CORO2A: variants seen among roughly 807,000 people sequenced by gnomAD.
CORO2A encodes the protein coronin-2A.
A neutral mutation model predicts 62.4 loss-of-function variants in CORO2A; 47 were observed. That is an observed-to-expected ratio of 0.75 (90% CI 0.60 to 0.96). The LOEUF (loss-of-function observed/expected upper bound fraction) is 0.96, where lower values mean the gene tolerates loss of function less well. Among genes scored for constraint, CORO2A ranks in the 40% least tolerant of loss-of-function variants. The probability of loss-of-function intolerance (pLI) is 0.00; values close to 1 mark genes in which losing one functional copy is unlikely to be tolerated. For missense variants in CORO2A, 610 were observed against 684.1 expected, an observed-to-expected ratio of 0.89 and a Z score of 1.21; for synonymous variants, 273 against 268.9, an observed-to-expected ratio of 1.02 and a Z score of -0.15.
At chr9:98,171,525 C>T (rs1241973862) in intron 1 of CORO2A, among the ~76,000 whole-genome samples, 1 of 152,214 alleles carries the variant, frequency 6.6e-6, no homozygotes, top group South Asian at 2.1e-4. Context: ...CCCATGTAAC[C>T]AGCAAGCTCA....
At chr9:98,156,779 G>A (rs917344227) in intron 2 of CORO2A, among the ~76,000 whole-genome samples, 5 of 152,110 alleles carry the variant, frequency 3.3e-5, no homozygotes, top group Admixed American at 2.0e-4. Context: ...TTTAATCTGT[G>A]GGGATCCTGT....
chr9:98,142,850 C>T (rs1176193238), intron 2 of CORO2A, among the ~76,000 whole-genome samples: 2 of 105,572 alleles, frequency 1.9e-5, no homozygotes, highest in Non-Finnish European at 4.5e-5. Context: ...CCCTGCCCTG[C>T]CCTGCGCTGC....
chr9:98,162,782 T>C (rs1247371272), intron 1 of CORO2A, among the ~76,000 whole-genome samples: 1 of 152,242 alleles, frequency 6.6e-6, no homozygotes, highest in East Asian at 1.9e-4. Context: ...CATGAGCGCA[T>C]GCGTGTATCC....
intron 1 of CORO2A, among the ~76,000 whole-genome samples, chr9:98,161,465 A>G (rs1029371068): frequency 3.9e-5 from 6 of 152,114 alleles, no homozygotes; most frequent in Admixed American, 6.5e-5. Flanking sequence ...GAGGCAGGAG[A>G]ATCACTTGAA....
At chr9:98,177,045 A>T (rs1261617164) in intron 1 of CORO2A, among the ~76,000 whole-genome samples, 2 of 152,204 alleles carry the variant, frequency 1.3e-5, no homozygotes, top group Non-Finnish European at 2.9e-5. Context: ...TAGGAAAGAA[A>T]GGCCTTATAA....
At chr9:98,182,286 CT>C (rs1382188441) in intron 1 of CORO2A, among the ~76,000 whole-genome samples, 5 of 152,180 alleles carry the variant, frequency 3.3e-5, no homozygotes, top group African/African-American at 9.7e-5. Context: ...ATGGGTCAGT[CT>C]GGGTGAGGCT....
intron 2 of CORO2A, among the ~76,000 whole-genome samples, chr9:98,148,530 AG>A (rs35088229): frequency 6.6e-6 from 1 of 151,828 alleles, no homozygotes; most frequent in African/African-American, 2.4e-5. Context: ...ACTTAAGCCC[AG>A]GGGTTCAAGA....
chr9:98,165,606 A>G (rs1827949037), intron 1 of CORO2A, among the ~76,000 whole-genome samples: 1 of 152,228 alleles, frequency 6.6e-6, no homozygotes, highest in Non-Finnish European at 1.5e-5. Context: ...TGTGACCTTG[A>G]GGGACTGCTA....
At chr9:98,178,215 T>G (rs1489072852) in intron 1 of CORO2A, among the ~76,000 whole-genome samples, 1 of 152,002 alleles carries the variant, frequency 6.6e-6, no homozygotes, top group African/African-American at 2.4e-5. Flanking sequence ...CCCGGCTAAT[T>G]ATTAAACTTT....
chr9:98,148,957 G>A (rs1237100157), intron 2 of CORO2A, among the ~76,000 whole-genome samples: 2 of 152,142 alleles, frequency 1.3e-5, no homozygotes, highest in Non-Finnish European at 2.9e-5. Context: ...GTATAGAAAT[G>A]GAGAGCAGGT....
chr9:98,158,859 AC>A (rs1385022311), intron 1 of CORO2A, among the ~76,000 whole-genome samples: 1 of 150,306 alleles, frequency 6.7e-6, no homozygotes, highest in Non-Finnish European at 1.5e-5. Context: ...ACACACACAC[AC>A]CATGTATATT....
intron 1 of CORO2A, among the ~76,000 whole-genome samples, chr9:98,166,431 T>C (rs969095823): frequency 6.6e-6 from 1 of 152,162 alleles, no homozygotes; most frequent in African/African-American, 2.4e-5. Flanking sequence ...AAAGGCAACA[T>C]ATGGAATGAG....
At chr9:98,189,079 C>T (rs938175080) in intron 1 of CORO2A, among the ~76,000 whole-genome samples, 1 of 152,164 alleles carries the variant, frequency 6.6e-6, no homozygotes, top group African/African-American at 2.4e-5. Flanking sequence ...AAGGAGCACA[C>T]CGCTCTTTAA....
intron 1 of CORO2A, among the ~76,000 whole-genome samples, chr9:98,159,058 C>T (rs542886211): frequency 6.2e-4 from 94 of 150,720 alleles, no homozygotes; most frequent in Non-Finnish European, 1.2e-3. Flanking sequence ...TCATATCACC[C>T]TTTATTTATT....
rs778918442 is a variant in CORO2A, at chr9:98,123,495, CTTT to C, written c.*1276_*1278del. 3.2e-4 allele frequency: 46 copies of C among 144,506 alleles called. No homozygotes were observed. The highest frequency in any genetic ancestry group is 8.5e-4 in the African/African-American group (33 of 38,846). The allele number at this position is 144,506 out of a possible 1,614,324, so 9.0% of individuals were successfully genotyped here. A position where few individuals can be genotyped will look rare whatever the true frequency, so the allele number is the denominator to read the frequency against. The stretch of plus-strand genomic sequence containing the variant: ...CTTAGTCTTCCCCTATTCTCTCTCT[CTTT>C]TTTTTTTTTTTTTTGGAGATGGAGT... On this transcript the variant is annotated 3_prime_UTR_variant, in exon 12 of 12. Transcript: ENST00000375077.
intron 7 of CORO2A, 98 bp from the exon 8 acceptor site, chr9:98,129,988 G>T: frequency 3.5e-6 from 3 of 850,010 alleles, no homozygotes; most frequent in Non-Finnish European, 5.8e-6. Flanking sequence ...GGCTTTTTTT[G>T]ATGATCGGCA....
chr9:98,149,446 T>A (rs1827693423), intron 2 of CORO2A, among the ~76,000 whole-genome samples: 1 of 152,176 alleles, frequency 6.6e-6, no homozygotes, highest in Non-Finnish European at 1.5e-5. Flanking sequence ...TATGTGAGGC[T>A]GAGTATTTAC....
intron 2 of CORO2A, among the ~76,000 whole-genome samples, chr9:98,141,077 C>CA (rs1189907028): frequency 6.6e-6 from 1 of 151,724 alleles, no homozygotes; most frequent in Admixed American, 6.6e-5. Flanking sequence ...GTTCTGAAAA[C>CA]AAAAAATTAT....
chr9:98,127,328 G>A (rs575844265), intron 10 of CORO2A, among the ~76,000 whole-genome samples: 2 of 152,348 alleles, frequency 1.3e-5, no homozygotes, highest in East Asian at 1.9e-4. Flanking sequence ...TACACCAGGA[G>A]GCCCGCTCAG....
Sources: gnomAD v4.1 joint callset for allele counts (sites outside exome capture counted in the v4.1 genomes callset) on GRCh38, gnomAD v4.1.1 for gene constraint, MANE v1.5 for transcripts, NCBI Gene and HGNC (gene_info 2026-07-23, HGNC 2026-07-21) for gene names.